WWOX: variants seen among roughly 807,000 people sequenced by gnomAD.
The protein encoded by WWOX is WW domain-containing oxidoreductase.
Under a neutral mutation model 46.2 loss-of-function variants are expected in WWOX, and 69 were observed. The observed-to-expected ratio is 1.49, with a 90% CI of 1.23 to 1.82. The LOEUF (loss-of-function observed/expected upper bound fraction) is 1.82, where lower values mean the gene tolerates loss of function less well. Among genes scored for constraint, WWOX ranks in the 40% most tolerant of loss-of-function variants. The pLI is 0.00. For synonymous variants in WWOX, 359 were observed against 202.6 expected (o/e 1.77, Z -6.56); for missense variants, 919 against 542.6 (o/e 1.69, Z -6.89).
intron 8 of WWOX, among the ~76,000 whole-genome samples, chr16:79,011,181 G>T (rs1050284757): frequency 7.0e-6 from 1 of 143,722 alleles, no homozygotes; most frequent in Non-Finnish European, 1.5e-5. Flanking sequence ...ACACTTTTTT[G>T]GAACCATTGA....
At chr16:79,170,029 A>G (rs2050670222) in intron 8 of WWOX, among the ~76,000 whole-genome samples, 1 of 152,132 alleles carries the variant, frequency 6.6e-6, no homozygotes, top group South Asian at 2.1e-4. Context: ...CCCCTCCTAA[A>G]AGGAGATTTT....
intron 8 of WWOX, among the ~76,000 whole-genome samples, chr16:79,009,760 T>G (rs979613224): frequency 1.3e-5 from 2 of 151,988 alleles, no homozygotes; most frequent in Non-Finnish European, 2.9e-5. Flanking sequence ...ACCCATCAAA[T>G]TTTCAAAGGA....
intron 8 of WWOX, among the ~76,000 whole-genome samples, chr16:78,994,748 G>A (rs1567468318): frequency 6.6e-6 from 1 of 150,460 alleles, no homozygotes; most frequent in African/African-American, 2.4e-5. Context: ...GCAGGGAAAC[G>A]AAGGCAGAGA....
intron 8 of WWOX, among the ~76,000 whole-genome samples, chr16:78,844,685 G>C (rs573229849): frequency 6.6e-6 from 1 of 152,284 alleles, no homozygotes; most frequent in East Asian, 1.9e-4. Flanking sequence ...CCTTTTTAAA[G>C]AAAGATTTTG....
intron 8 of WWOX, among the ~76,000 whole-genome samples, chr16:79,172,717 A>G (rs1423770909): frequency 6.6e-6 from 1 of 152,134 alleles, no homozygotes; most frequent in Non-Finnish European, 1.5e-5. Flanking sequence ...CCATGGAAAT[A>G]TAAAATTGTA....
At chr16:78,548,252 T>G (rs1283294328) in intron 8 of WWOX, among the ~76,000 whole-genome samples, 4 of 152,014 alleles carry the variant, frequency 2.6e-5, no homozygotes, top group Non-Finnish European at 4.4e-5. Flanking sequence ...AAGACTCTGC[T>G]GTTGATTCTC....
intron 8 of WWOX, among the ~76,000 whole-genome samples, chr16:78,660,635 C>A (rs2047188281): frequency 6.6e-6 from 1 of 152,042 alleles, no homozygotes; most frequent in African/African-American, 2.4e-5. Context: ...GGAAAATAAC[C>A]CATCAAAGGA....
intron 8 of WWOX, among the ~76,000 whole-genome samples, chr16:78,865,247 TCTTC>T (rs2043978586): frequency 6.6e-6 from 1 of 152,170 alleles, no homozygotes; most frequent in South Asian, 2.1e-4. Context: ...TGACTTACTC[TCTTC>T]CTTTATTTTT....
chr16:78,551,013 G>T (rs111715975), intron 8 of WWOX: 1 of 152,144 alleles, frequency 6.6e-6, no homozygotes, highest in Non-Finnish European at 1.5e-5. Flanking sequence ...AATATATTCA[G>T]TGAAACAAAT....
intron 8 of WWOX, among the ~76,000 whole-genome samples, chr16:78,763,038 G>A (rs150377117): frequency 8.5e-5 from 13 of 152,164 alleles, no homozygotes; most frequent in Admixed American, 2.6e-4. Flanking sequence ...TACGACTCTG[G>A]GACTTACACT....
chr16:79,129,423 C>T (rs575683495), intron 8 of WWOX, among the ~76,000 whole-genome samples: 34 of 147,544 alleles, frequency 2.3e-4, no homozygotes, highest in South Asian at 9.1e-4. Context: ...CTATCAAACA[C>T]GGGAGAAAAA....
intron 5 of WWOX, among the ~76,000 whole-genome samples, chr16:78,200,485 C>T (rs2036196160): frequency 6.7e-6 from 1 of 149,974 alleles, no homozygotes; most frequent in Non-Finnish European, 1.5e-5. Context: ...TGTGAGGGCT[C>T]ACACTGGTCT....
chr16:78,757,949 T>G (rs897221445), intron 8 of WWOX, among the ~76,000 whole-genome samples: 2 of 151,954 alleles, frequency 1.3e-5, no homozygotes, highest in African/African-American at 4.8e-5. Context: ...AAATATGAGT[T>G]TGGGGGGACA....
intron 8 of WWOX, among the ~76,000 whole-genome samples, chr16:79,182,728 A>T (rs540927916): frequency 2.6e-5 from 4 of 152,206 alleles, no homozygotes; most frequent in African/African-American, 4.8e-5. Flanking sequence ...TGGGATAATT[A>T]TAGTTTTTAC....
chr16:78,759,371 C>A (rs1010626870), intron 8 of WWOX, among the ~76,000 whole-genome samples: 3 of 152,150 alleles, frequency 2.0e-5, no homozygotes, highest in African/African-American at 7.2e-5. Flanking sequence ...TCTTCTGTTT[C>A]TTTTTCTATT....
chr16:79,205,727 G>A (rs145885280), intron 8 of WWOX: 4 of 152,322 alleles, frequency 2.6e-5, no homozygotes, highest in African/African-American at 9.6e-5. Context: ...TGTGTCTAAG[G>A]CTGGATTGTT....
At chr16:78,455,471 T>C (rs897041859) in intron 8 of WWOX, among the ~76,000 whole-genome samples, 3 of 151,692 alleles carry the variant, frequency 2.0e-5, no homozygotes. Context: ...TGAAATGCCA[T>C]CTCTACTAAA....
At chr16:78,774,168 C>T (rs1287498867) in intron 8 of WWOX, among the ~76,000 whole-genome samples, 1 of 152,026 alleles carries the variant, frequency 6.6e-6, no homozygotes, top group Non-Finnish European at 1.5e-5. Flanking sequence ...TTTGGGAGGC[C>T]AAGGCAGGCA....
chr16:78,955,352 G>T (rs1008639446), intron 8 of WWOX, among the ~76,000 whole-genome samples: 1 of 152,186 alleles, frequency 6.6e-6, no homozygotes, highest in Admixed American at 6.5e-5. Flanking sequence ...GAGCATTGAG[G>T]AGATGAGTCA....
Sources: gnomAD v4.1 joint callset for allele counts (sites outside exome capture counted in the v4.1 genomes callset) on GRCh38, gnomAD v4.1.1 for gene constraint, MANE v1.5 for transcripts, NCBI Gene and HGNC (gene_info 2026-07-23, HGNC 2026-07-21) for gene names.